The following RERGL variants were observed in gnomAD, a reference collection of about 807,000 sequenced individuals.
RERGL encodes the protein RERG like.
Under a neutral mutation model 24.7 loss-of-function variants are expected in RERGL, and 22 were observed. The ratio of observed to expected loss-of-function variants is 0.89; its 90% confidence interval spans 0.64 to 1.27. The LOEUF (loss-of-function observed/expected upper bound fraction) is 1.27. Ranked by LOEUF, RERGL falls within the 50% of genes most tolerant of loss-of-function variation. RERGL has a pLI of 0.00. For synonymous variants in RERGL, 76 were observed against 82.6 expected, an observed-to-expected ratio of 0.92 and a Z score of 0.43; for missense variants, 259 against 235.3, an observed-to-expected ratio of 1.10 and a Z score of -0.66.
chr12:18,081,585 T>C, intron 4 of RERGL, 112 bp from the exon 5 acceptor site: 3 of 971,426 alleles, frequency 3.1e-6, no homozygotes, highest in South Asian at 3.8e-5. Context: ...AAAGAAAAAA[T>C]ATTGTGTGTA....
rs775731110 is a variant in RERGL at position 18,084,551 on chromosome 12, T to C, written c.298A>G (p.Arg100Gly). 3 of 1,610,574 alleles carry C rather than the reference T, an allele frequency of 1.9e-6. No homozygotes were observed. The highest frequency in any genetic ancestry group is 2.5e-6 in the Non-Finnish European group (3 of 1,178,656). ...SFAFAKALIY[R>G]IREPQTSHCK... ...TGACTAGTTTGTGGCTCCCGGATTCTGTAGATCAGCGCTTTTGCAAAAGCA... is the reference window on the plus strand; with the variant it reads ...TGACTAGTTTGTGGCTCCCGGATTCCGTAGATCAGCGCTTTTGCAAAAGCA... Residue 100 changes from arginine to glycine, a missense_variant, in exon 4 of 5, where the codon AGA becomes GGA. Physicochemically the swap from Arg to Gly is moderately radical, Grantham distance 125. Coordinates refer to ENST00000538724, the MANE Select transcript of RERGL (RefSeq NM_001286201.2).
At chr12:18,087,665 C>T (rs1265965007) in intron 2 of RERGL, among the ~76,000 whole-genome samples, 2 of 152,068 alleles carry the variant, frequency 1.3e-5, no homozygotes, top group Non-Finnish European at 2.9e-5. Flanking sequence ...AATATGTAAA[C>T]ATTTCATTAA....
At chr12:18,089,341 C>T in intron 1 of RERGL, 3 of 1,497,498 alleles carry the variant, frequency 2.0e-6, no homozygotes, top group Non-Finnish European at 2.7e-6. Context: ...GTAATAGTCA[C>T]AAAGACACTA....
rs1316421094 is a variant in RERGL at position 18,085,669 on chromosome 12, C to T, written c.134G>A (p.Cys45Tyr). ...NFESIYKKHL[C>Y]LERKQLNLEI... ...TAGATTTAGTTGTTTCCTTTCCAAACACAAGTGCTTCTTATAGATAGATTC... is the reference window on the plus strand; with the variant it reads ...TAGATTTAGTTGTTTCCTTTCCAAATACAAGTGCTTCTTATAGATAGATTC... Residue 45 changes from cysteine to tyrosine, a missense_variant, in exon 3 of 5, where the codon TGT (cysteine) becomes TAT (tyrosine). Transcript: ENST00000538724. The T allele has an allele frequency of 2.5e-6, 4 of 1,601,424 alleles. No homozygotes were observed. The highest frequency in any genetic ancestry group is 2.6e-6 in the Non-Finnish European group (3 of 1,171,548).
Position 18,085,710 on chromosome 12 carries a change from A to G in RERGL, c.110-17T>C. 7.0e-7 allele frequency: 1 copy of G among 1,433,698 alleles called. No individual in the cohort carries two copies. The highest frequency in any genetic ancestry group is 9.7e-7 in the Non-Finnish European group (1 of 1,026,702). 88.8% of individuals were successfully genotyped at this position (1,433,698 alleles called of 1,614,324 possible). On this transcript the variant is annotated splice_polypyrimidine_tract_variant and intron_variant, in intron 2 of 4. Coordinates refer to ENST00000538724, the MANE Select transcript of RERGL (RefSeq NM_001286201.2). ...AGATAGATTCTGCAAAAATATGCAT[A>G]TCCACTGTCAGTATGAAAATACTCC...
chr12:18,085,078 G>C (rs868506141), intron 3 of RERGL, among the ~76,000 whole-genome samples: 4 of 152,052 alleles, frequency 2.6e-5, no homozygotes, highest in African/African-American at 9.7e-5. Context: ...TAAGGGTTTA[G>C]CTAAAATATT....
intron 1 of RERGL, 105 bp downstream of exon 1, chr12:18,089,984 T>C: frequency 4.1e-6 from 3 of 736,402 alleles, no homozygotes; most frequent in Non-Finnish European, 6.0e-6. Context: ...TAGATATATT[T>C]TCATATATAT....
intron 1 of RERGL, chr12:18,089,497 G>T: frequency 3.4e-6 from 2 of 592,768 alleles, no homozygotes; most frequent in Non-Finnish European, 5.1e-6. Flanking sequence ...TGACCCTATT[G>T]GTAGCATGTC....
At chr12:18,084,771 A>G (rs1947204476) in intron 3 of RERGL, 106 bp from the exon 4 acceptor site, 1 of 808,312 alleles carries the variant, frequency 1.2e-6, no homozygotes, top group Non-Finnish European at 1.9e-6. Flanking sequence ...AGATACATCA[A>G]TGTGTTAAAT....
chr12:18,081,676 G>T (rs1316998610), intron 4 of RERGL, among the ~76,000 whole-genome samples: 1 of 152,070 alleles, frequency 6.6e-6, no homozygotes, highest in Non-Finnish European at 1.5e-5. Flanking sequence ...GTAGTAAATG[G>T]CACAGAAGCA....
intron 1 of RERGL, 191 bp from the exon 2 acceptor site, chr12:18,089,147 A>C: frequency 2.4e-6 from 3 of 1,268,178 alleles, no homozygotes; most frequent in Non-Finnish European, 3.3e-6. Context: ...TTAGAAAGTT[A>C]GAAAGGAAGT....
intron 1 of RERGL, 96 bp downstream of exon 1, chr12:18,089,993 A>G (rs1947254925): frequency 6.3e-6 from 5 of 792,346 alleles, no homozygotes; most frequent in Non-Finnish European, 9.2e-6. Flanking sequence ...TTTCATATAT[A>G]TGAAATATAT....
intron 2 of RERGL, among the ~76,000 whole-genome samples, chr12:18,086,164 C>T (rs1449496597): frequency 1.3e-5 from 2 of 151,800 alleles, no homozygotes; most frequent in African/African-American, 2.4e-5. Context: ...TGAGCCACCG[C>T]GCCCAGCCAA....
intron 4 of RERGL, among the ~76,000 whole-genome samples, chr12:18,084,086 C>G (rs1197427119): frequency 6.6e-6 from 1 of 152,078 alleles, no homozygotes; most frequent in East Asian, 1.9e-4. Flanking sequence ...ATTACTCAGT[C>G]TATTTTGCTT....
intron 2 of RERGL, among the ~76,000 whole-genome samples, chr12:18,086,109 G>GA: frequency 6.8e-6 from 1 of 147,948 alleles, no homozygotes; most frequent in Admixed American, 6.9e-5. Context: ...TCCTGACCTC[G>GA]TAATCCACCT....
At chr12:18,089,057 G>T in intron 1 of RERGL, 101 bp from the exon 2 acceptor site, 2 of 1,178,806 alleles carry the variant, frequency 1.7e-6, no homozygotes, top group East Asian at 2.4e-5. Context: ...AAATATTCAA[G>T]AATTAATAAA....
In RERGL at chr12:18,090,166, C is replaced by A; in HGVS notation, c.-26G>T. On this transcript the variant is annotated 5_prime_UTR_variant, in exon 1 of 5. Transcript: ENST00000538724. ...CTTGCTTTTCTGCTTCTTGGTCAGT[C>A]CTATTTTCTGGAACTACACTGCCCT... The A allele has an allele frequency of 2.0e-6, 3 of 1,524,358 alleles. No homozygotes were observed. The highest frequency in any genetic ancestry group is 2.6e-6 in the Non-Finnish European group (3 of 1,142,328). The allele number at this position is 1,524,358 out of a possible 1,614,324, so 94.4% of individuals were successfully genotyped here.
chr12:18,084,301 A>T (rs1017520280), intron 4 of RERGL, among the ~76,000 whole-genome samples: 1 of 152,186 alleles, frequency 6.6e-6, no homozygotes, highest in Non-Finnish European at 1.5e-5. Flanking sequence ...ATAGCCATTT[A>T]CTCGGGGCAA....
rs1276746130 is a variant in RERGL, at chr12:18,084,358, T to A, written c.332+159A>T. On this transcript the variant is annotated intron_variant, in intron 4 of 4. Coordinates refer to ENST00000538724, the MANE Select transcript of RERGL (RefSeq NM_001286201.2). Reference sequence around the variant, plus strand: ...GATATAAAGCATTCTCATCTTATTCTTTTTACTACATGTGTAACTCCTGTG... The same window carrying A: ...GATATAAAGCATTCTCATCTTATTCATTTTACTACATGTGTAACTCCTGTG... Among the ~76,000 whole-genome samples the A allele has an allele frequency of 2.6e-5, 4 of 152,200 alleles. 1 individual carries two copies. Among genetic ancestry groups the A allele is most frequent in the Non-Finnish European group, 5.9e-5 (4 of 68,016 alleles).
Sources: allele counts gnomAD v4.1 joint callset (sites outside exome capture counted in the v4.1 genomes callset), GRCh38; gene constraint gnomAD v4.1.1; transcripts MANE v1.5; gene names NCBI Gene and HGNC (gene_info 2026-07-23, HGNC 2026-07-21).